SH3RF1: variants seen among roughly 807,000 people sequenced by gnomAD.
SH3RF1 encodes E3 ubiquitin-protein ligase SH3RF1.
In SH3RF1, 32 loss-of-function variants were observed where a neutral mutation model predicts 74.0. The observed-to-expected ratio is 0.43, with a 90% confidence interval of 0.33 to 0.58. The LOEUF (loss-of-function observed/expected upper bound fraction) is 0.58, where lower values mean the gene tolerates loss of function less well. SH3RF1 is among the 20% of genes least tolerant of loss of function. The pLI is 0.05. For synonymous variants in SH3RF1, 396 were observed against 439.6 expected (o/e 0.90, Z 1.24); for missense variants, 954 against 1,130.9 (o/e 0.84, Z 2.24).
At chr4:169,179,738 T>A (rs1021728639) in intron 2 of SH3RF1, among the ~76,000 whole-genome samples, 1 of 152,214 alleles carries the variant, frequency 6.6e-6, no homozygotes, top group African/African-American at 2.4e-5. Context: ...TTATTTTAGC[T>A]CATTCTTTGA....
At position 169,249,480 on chromosome 4, in the gene SH3RF1, A is replaced by T. The variant is rs577893296; in HGVS notation, c.393+19340T>A. On this transcript the variant is annotated intron_variant, in intron 2 of 11. Transcript: ENST00000284637. ...CCAGTCTCTAGAACTGTGAGAAATA[A>T]ATTTGGGGTATATTTGTTTTTACAA... is the stretch of plus-strand genomic sequence containing the variant. 3.3e-5 allele frequency among the ~76,000 whole-genome samples: 5 copies of T among 152,282 alleles called. No homozygotes were observed. In the South Asian group the frequency reaches 1.0e-3, roughly 32 times the overall value.
chr4:169,155,599 TCTAC>T, intron 3 of SH3RF1, 24 bp from the exon 4 acceptor site: 1 of 1,506,232 alleles, frequency 6.6e-7, no homozygotes, highest in Non-Finnish European at 9.2e-7. Context: ...AAATCATTAA[TCTAC>T]CTGATCATTA....
chr4:169,129,446 T>C (rs1733577173), intron 6 of SH3RF1, among the ~76,000 whole-genome samples: 1 of 152,212 alleles, frequency 6.6e-6, no homozygotes, highest in Non-Finnish European at 1.5e-5. Flanking sequence ...CTCCCTATTA[T>C]TTTCCCATTT....
rs866509815 is a variant in SH3RF1 at position 169,156,483 on chromosome 4, G to T, written c.590C>A (p.Pro197His). The T allele has an allele frequency of 6.2e-7, 1 of 1,613,842 alleles. No individual in the cohort carries two copies. Among genetic ancestry groups the T allele is most frequent in the Admixed American group, 1.7e-5 (1 of 59,992 alleles). Residue 197 changes from proline (P) to histidine (H), a missense_variant, in exon 3 of 12, where the codon CCC becomes CAC. Coordinates refer to ENST00000284637, the MANE Select transcript of SH3RF1 (RefSeq NM_020870.4). The stretch of plus-strand genomic sequence containing the variant: ...ATAAAGTGCTTTGCACTGAGGTGGG[G>T]GCTGAGGTAACGGTTTAATAATCTG... ...FVQIIKPLPQPPPQCKALYDF... is the reference protein window; with the variant it reads ...FVQIIKPLPQHPPQCKALYDF...
At chr4:169,206,850 A>T (rs1411382856) in intron 2 of SH3RF1, among the ~76,000 whole-genome samples, 5 of 152,242 alleles carry the variant, frequency 3.3e-5, no homozygotes. Flanking sequence ...ATAAAAAGAA[A>T]GAGGCCAGGT....
chr4:169,115,736 G>A (rs565532816), intron 10 of SH3RF1, among the ~76,000 whole-genome samples: 2 of 152,262 alleles, frequency 1.3e-5, no homozygotes, highest in Admixed American at 6.5e-5. Context: ...TGTCTTCAAC[G>A]AAACTGGTCC....
intron 2 of SH3RF1, among the ~76,000 whole-genome samples, chr4:169,197,713 C>T (rs1734839927): frequency 6.6e-6 from 1 of 151,594 alleles, no homozygotes; most frequent in African/African-American, 2.4e-5. Context: ...ATGTAATAAC[C>T]CTTTCATAAG....
At chr4:169,241,084 GCCAAGCGTGGT>G (rs1730900793) in intron 2 of SH3RF1, among the ~76,000 whole-genome samples, 1 of 152,130 alleles carries the variant, frequency 6.6e-6, no homozygotes, top group Admixed American at 6.5e-5. Context: ...CAAAAAATTA[GCCAAGCGTGGT>G]GGCGGGCGCC....
chr4:169,163,242 A>C (rs1312828133), intron 2 of SH3RF1, among the ~76,000 whole-genome samples: 1 of 151,532 alleles, frequency 6.6e-6, no homozygotes, highest in Non-Finnish European at 1.5e-5. Context: ...ACCCAGAAAA[A>C]AAAAAAAATG....
At chr4:169,105,311 G>A (rs1167302934) in intron 11 of SH3RF1, among the ~76,000 whole-genome samples, 4 of 152,160 alleles carry the variant, frequency 2.6e-5, no homozygotes, top group Non-Finnish European at 5.9e-5. Context: ...ACTATTTTGA[G>A]TATACTTCAT....
intron 2 of SH3RF1, among the ~76,000 whole-genome samples, chr4:169,242,382 C>T (rs1288548422): frequency 6.6e-6 from 1 of 152,140 alleles, no homozygotes; most frequent in Admixed American, 6.5e-5. Context: ...CTAAAATTAT[C>T]CCCAGTGGAA....
At chr4:169,193,124 G>T (rs918987118) in intron 2 of SH3RF1, among the ~76,000 whole-genome samples, 1 of 151,918 alleles carries the variant, frequency 6.6e-6, no homozygotes, top group Non-Finnish European at 1.5e-5. Context: ...TGGACTTTGG[G>T]GACTCAGGGG....
intron 2 of SH3RF1, among the ~76,000 whole-genome samples, chr4:169,206,033 T>C (rs553323308): frequency 6.6e-6 from 1 of 152,334 alleles, no homozygotes; most frequent in South Asian, 2.1e-4. Flanking sequence ...ATGGAATACA[T>C]AGTGATAAAA....
chr4:169,107,230 T>C (rs191155430), intron 10 of SH3RF1, 25 bp from the exon 11 acceptor site: 1 of 1,513,924 alleles, frequency 6.6e-7, no homozygotes, highest in Non-Finnish European at 8.9e-7. Flanking sequence ...TAATGAGCCT[T>C]AGTTGGAGAA....
rs539327228 is a variant in SH3RF1 at position 169,179,681 on chromosome 4, C to T, written c.394-23002G>A. Among the ~76,000 whole-genome samples, 9 of 152,302 alleles carry T rather than the reference C, an allele frequency of 5.9e-5. No homozygotes were observed. In the South Asian group the frequency reaches 1.0e-3, roughly 18 times the overall value. The stretch of plus-strand genomic sequence containing the variant: ...GAAAAGAAGGCTCCTGAGAGCCCCA[C>T]GCAAAGACAACACTGCGCAAACTTT... On this transcript the variant is annotated intron_variant, in intron 2 of 11. Coordinates refer to ENST00000284637, the MANE Select transcript of SH3RF1 (RefSeq NM_020870.4).
intron 6 of SH3RF1, among the ~76,000 whole-genome samples, chr4:169,128,919 A>G (rs551877538): frequency 2.2e-4 from 34 of 152,318 alleles, no homozygotes; most frequent in African/African-American, 7.9e-4. Flanking sequence ...CAAAAAGGAG[A>G]TCAATAATGT....
At chr4:169,167,348 A>G (rs978151318) in intron 2 of SH3RF1, among the ~76,000 whole-genome samples, 4 of 152,202 alleles carry the variant, frequency 2.6e-5, no homozygotes, top group African/African-American at 7.2e-5. Flanking sequence ...GAGCAACTAG[A>G]ATTTACATAG....
intron 2 of SH3RF1, among the ~76,000 whole-genome samples, chr4:169,238,513 G>A (rs1379669350): frequency 6.6e-6 from 1 of 152,200 alleles, no homozygotes; most frequent in Non-Finnish European, 1.5e-5. Flanking sequence ...AGATGCCTGT[G>A]AGGTAGGCAG....
intron 2 of SH3RF1, among the ~76,000 whole-genome samples, chr4:169,209,028 G>A (rs1271077457): frequency 2.6e-5 from 4 of 152,098 alleles, no homozygotes; most frequent in African/African-American, 7.2e-5. Context: ...GGTGGCTCAC[G>A]CCTGTAATCC....
Sources: gnomAD v4.1 joint callset for allele counts (sites outside exome capture counted in the v4.1 genomes callset) on GRCh38, gnomAD v4.1.1 for gene constraint, MANE v1.5 for transcripts, NCBI Gene and HGNC (gene_info 2026-07-23, HGNC 2026-07-21) for gene names.